The following LRRCC1 variants were observed in gnomAD, a reference collection of about 807,000 sequenced individuals.
LRRCC1 encodes the protein leucine-rich repeat and coiled-coil domain-containing protein 1.
A neutral mutation model predicts 126.0 loss-of-function variants in LRRCC1; 115 were observed. That is an observed-to-expected ratio of 0.91 (90% CI 0.78 to 1.07). The LOEUF (loss-of-function observed/expected upper bound fraction) is 1.07. Among genes scored for constraint, LRRCC1 ranks in the 50% least tolerant of loss-of-function variants. LRRCC1 has a pLI of 0.00. For missense variants in LRRCC1, 1,172 were observed against 1,175.7 expected (o/e 1.00, Z 0.05); for synonymous variants, 400 against 393.4 (o/e 1.02, Z -0.20).
rs1315264962 is a variant in LRRCC1, at chr8:85,109,593, A to T, written c.105-2A>T. 6.5e-7 allele frequency: 1 copy of T among 1,545,816 alleles called. No individual in the cohort carries two copies. The highest frequency in any genetic ancestry group is 1.4e-5 in the African/African-American group (1 of 72,906). On this transcript the variant is annotated splice_acceptor_variant, in intron 1 of 18. Coordinates refer to ENST00000360375, the MANE Select transcript of LRRCC1 (RefSeq NM_033402.5). LOFTEE classifies it high-confidence loss of function. The stretch of plus-strand genomic sequence containing the variant: ...TTTTATAGTATATATTTTCTTTTAT[A>T]GCATATCAGAATTATCTTTAGATTC...
At chr8:85,109,354 A>C (rs1808511483) in intron 1 of LRRCC1, 1 of 500,162 alleles carries the variant, frequency 2.0e-6, no homozygotes, top group African/African-American at 1.9e-5. Flanking sequence ...GGAGTTAGAA[A>C]TGCCCACTGT....
chr8:85,110,108 T>C lies in LRRCC1; in HGVS notation c.311-7T>C, dbSNP rs748232565. 2.6e-6 allele frequency: 3 copies of C among 1,143,734 alleles called. No homozygotes were observed. In the East Asian group the frequency reaches 7.4e-5, roughly 28 times the overall value. 70.8% of individuals were successfully genotyped at this position (1,143,734 alleles called of 1,614,324 possible). On this transcript the variant is annotated splice_polypyrimidine_tract_variant and splice_region_variant and intron_variant, in intron 2 of 18. Coordinates refer to ENST00000360375, the MANE Select transcript of LRRCC1 (RefSeq NM_033402.5). ...AGGCTTTATTTTATTTTACTTTTTT[T>C]TTTTAGGACTTGAAGAACTAATTAA... is the stretch of plus-strand genomic sequence containing the variant.
intron 17 of LRRCC1, among the ~76,000 whole-genome samples, chr8:85,140,065 A>C (rs942865563): frequency 2.0e-5 from 3 of 152,202 alleles, no homozygotes; most frequent in Non-Finnish European, 4.4e-5. Context: ...TTCTAAAAGA[A>C]AGTCATATTC....
chr8:85,127,467 T>G (rs576222033), intron 9 of LRRCC1, among the ~76,000 whole-genome samples: 33 of 152,350 alleles, frequency 2.2e-4, no homozygotes, highest in African/African-American at 7.7e-4. Context: ...TTAGAGTTTC[T>G]TATGGTTTCT....
At position 85,123,543 on chromosome 8, in the gene LRRCC1, CT is replaced by C. The variant is rs1809733007; in HGVS notation, c.1063del (p.Tyr355MetfsTer20). The C allele has an allele frequency of 5.0e-6, 8 of 1,610,012 alleles. No homozygotes were observed. The East Asian group carries it at 1.8e-4, about 36-fold the overall frequency. ...NRKVPRRSKIPYDAKTIQTIK... is the reference protein window; with the variant it reads ...NRKVPRRSKIXYDAKTIQTIK... The stretch of plus-strand genomic sequence containing the variant: ...AAAGTTCCTCGAAGATCAAAAATCC[CT>C]TATGATGCCAAAACCATTCAAACTA... On this transcript the variant is annotated frameshift_variant, in exon 7 of 19. Coordinates refer to ENST00000360375, the MANE Select transcript of LRRCC1 (RefSeq NM_033402.5). LOFTEE classifies it high-confidence loss of function.
chr8:85,125,542 G>A (rs922063141), intron 8 of LRRCC1, among the ~76,000 whole-genome samples: 33 of 147,996 alleles, frequency 2.2e-4, no homozygotes, highest in East Asian at 1.6e-3. Context: ...GCGTAGTGGC[G>A]GGCGCCTGTA....
intron 8 of LRRCC1, 115 bp from the exon 9 acceptor site, chr8:85,126,574 C>A: frequency 1.2e-6 from 1 of 843,042 alleles, no homozygotes; most frequent in Non-Finnish European, 1.8e-6. Context: ...TAAAAAGTTT[C>A]ACTGTAGCTC....
At chr8:85,135,088 G>A in intron 13 of LRRCC1, 56 bp downstream of exon 13, 2 of 1,290,850 alleles carry the variant, frequency 1.5e-6, no homozygotes, top group Non-Finnish European at 2.1e-6. Context: ...TTTCTCAAGT[G>A]GGTTGTGATA....
At chr8:85,123,817 T>C (rs1809755819) in intron 7 of LRRCC1, among the ~76,000 whole-genome samples, 1 of 152,186 alleles carries the variant, frequency 6.6e-6, no homozygotes, top group East Asian at 1.9e-4. Flanking sequence ...GCAAAATTAA[T>C]GTATAAACCT....
At chr8:85,131,371 A>C (rs1810449804) in intron 11 of LRRCC1, among the ~76,000 whole-genome samples, 1 of 152,230 alleles carries the variant, frequency 6.6e-6, no homozygotes, top group Non-Finnish European at 1.5e-5. Context: ...ATAATTTTAC[A>C]CTTTAACTGA....
rs534683559 is a variant in LRRCC1 at position 85,114,903 on chromosome 8, GA to G, written c.545-196del. On this transcript the variant is annotated intron_variant, in intron 4 of 18. Coordinates refer to ENST00000360375, the MANE Select transcript of LRRCC1 (RefSeq NM_033402.5). ...TATTTGAGAGGGATGGAGAGTGGAG[GA>G]GAAGTGTTTTGTTTCTTTTGTATGT... Among the ~76,000 whole-genome samples the G allele has an allele frequency of 2.4e-4, 37 of 152,204 alleles. 1 individual carries two copies. Among genetic ancestry groups the G allele is most frequent in the African/African-American group, 7.5e-4 (31 of 41,544 alleles).
Position 85,134,936 on chromosome 8 carries a change from C to G in LRRCC1, c.2058C>G (p.Ser686=). Residue 686 remains serine, a synonymous_variant, in exon 13 of 19, where the codon TCC becomes TCG. Coordinates refer to ENST00000360375, the MANE Select transcript of LRRCC1 (RefSeq NM_033402.5). The stretch of plus-strand genomic sequence containing the variant: ...CTCAACGAAAAGAAAATGAGTCTTC[C>G]TCTTTAATTAAAGATCTGACCTGTA... ...IWAQRKENES[S]SLIKDLTCMV... 6.3e-7 allele frequency: 1 copy of G among 1,595,832 alleles called. No homozygotes were observed. The highest frequency in any genetic ancestry group is 8.5e-7 in the Non-Finnish European group (1 of 1,176,082).
At chr8:85,112,399 A>G (rs1808799999) in intron 3 of LRRCC1, among the ~76,000 whole-genome samples, 1 of 152,318 alleles carries the variant, frequency 6.6e-6, no homozygotes, top group East Asian at 1.9e-4. Flanking sequence ...GCATTGTACA[A>G]TTAGTACTTG....
chr8:85,114,163 C>A (rs1220147004), intron 4 of LRRCC1, among the ~76,000 whole-genome samples: 2 of 151,874 alleles, frequency 1.3e-5, no homozygotes, highest in African/African-American at 4.8e-5. Context: ...GAAACCCTTT[C>A]CTTGAAAGAA....
rs200410425 is a variant in LRRCC1 at position 85,129,340 on chromosome 8, A to G, written c.1587A>G (p.Glu529=). 1.5e-4 allele frequency: 238 copies of G among 1,612,476 alleles called. 1 individual carries two copies. In the African/African-American group the frequency reaches 2.5e-3, roughly 17 times the overall value. The stretch of plus-strand genomic sequence containing the variant: ...TAAGAACCCTCGAAAAAACATTAGA[A>G]AAAATGGAGAGACAAAAAAGGCAGC... ...KHLRTLEKTL[E]KMERQKRQQQ... is the part of the protein sequence containing the mutation. Residue 529 remains glutamate, a synonymous_variant, in exon 10 of 19, where the codon GAA becomes GAG. Coordinates refer to ENST00000360375, the MANE Select transcript of LRRCC1 (RefSeq NM_033402.5).
intron 8 of LRRCC1, among the ~76,000 whole-genome samples, chr8:85,125,274 A>C (rs1398641631): frequency 6.6e-6 from 1 of 152,142 alleles, no homozygotes; most frequent in Non-Finnish European, 1.5e-5. Context: ...AAAAATTTAC[A>C]GGTCTTCTCA....
chr8:85,135,202 T>C (rs1027245020), intron 13 of LRRCC1, among the ~76,000 whole-genome samples, 170 bp downstream of exon 13: 1 of 152,204 alleles, frequency 6.6e-6, no homozygotes, highest in African/African-American at 2.4e-5. Context: ...TTTCACAAAT[T>C]GTATTGCTCA....
At chr8:85,110,704 A>T (rs1409614888) in intron 3 of LRRCC1, among the ~76,000 whole-genome samples, 1 of 152,252 alleles carries the variant, frequency 6.6e-6, no homozygotes, top group Non-Finnish European at 1.5e-5. Flanking sequence ...TGCATTCCAA[A>T]GGTTGTTGCA....
At chr8:85,111,405 C>A (rs1180285684) in intron 3 of LRRCC1, among the ~76,000 whole-genome samples, 1 of 152,146 alleles carries the variant, frequency 6.6e-6, no homozygotes, top group Non-Finnish European at 1.5e-5. Context: ...TGAGTTTCAA[C>A]CCTGGCCTTG....
Sources: allele counts gnomAD v4.1 joint callset (sites outside exome capture counted in the v4.1 genomes callset), GRCh38; gene constraint gnomAD v4.1.1; transcripts MANE v1.5; gene names NCBI Gene and HGNC (gene_info 2026-07-23, HGNC 2026-07-21).